PLXNC1: variants seen among roughly 807,000 people sequenced by gnomAD.
PLXNC1 encodes the protein plexin-C1.
PLXNC1 carries 75 observed loss-of-function variants against 178.2 expected under a neutral mutation model. That is an observed-to-expected ratio of 0.42 (90% CI 0.35 to 0.51). PLXNC1 has a LOEUF of 0.51. Ranked by LOEUF, PLXNC1 falls within the 20% of genes least tolerant of loss-of-function variation. The pLI, the probability that PLXNC1 is intolerant of heterozygous loss-of-function variation, is 0.02. For synonymous variants in PLXNC1, 790 were observed against 779.9 expected, an observed-to-expected ratio of 1.01 and a Z score of -0.22; for missense variants, 1,503 against 1,984.4, an observed-to-expected ratio of 0.76 and a Z score of 4.61.
chr12:94,185,215 T>C (rs986538016), intron 3 of PLXNC1, among the ~76,000 whole-genome samples: 6 of 152,176 alleles, frequency 3.9e-5, no homozygotes, highest in Admixed American at 6.5e-5. Context: ...GTCAGCAGTG[T>C]TGGGGACTAT....
At chr12:94,246,052 A>G (rs759554016) in intron 12 of PLXNC1, among the ~76,000 whole-genome samples, 1 of 152,200 alleles carries the variant, frequency 6.6e-6, no homozygotes, top group African/African-American at 2.4e-5. Context: ...TTCTGACCCA[A>G]AAGGCTTCGG....
intron 1 of PLXNC1, among the ~76,000 whole-genome samples, chr12:94,152,121 T>G (rs1960983335): frequency 6.6e-6 from 1 of 152,212 alleles, no homozygotes; most frequent in Non-Finnish European, 1.5e-5. Flanking sequence ...TCAGCCAAGT[T>G]AAATAATATA....
At position 94,305,101 on chromosome 12, in the gene PLXNC1, T is replaced by A. The variant is rs1182101366; in HGVS notation, c.4603-80T>A. On this transcript the variant is annotated intron_variant, in intron 30 of 30. Transcript: ENST00000258526. ...ATCTGTTTCATACAGATTTTACCAC[T>A]CACAGCATCAGGTATGCAAAAAACA... 11 of 794,428 alleles carry A rather than the reference T, an allele frequency of 1.4e-5. No homozygotes were observed. In the Admixed American group the frequency reaches 2.6e-4, roughly 19 times the overall value. The allele number at this position is 794,428 out of a possible 1,614,324, so 49.2% of individuals were successfully genotyped here.
At chr12:94,283,053 C>T (rs1446559224) in intron 23 of PLXNC1, among the ~76,000 whole-genome samples, 1 of 152,182 alleles carries the variant, frequency 6.6e-6, no homozygotes, top group Non-Finnish European at 1.5e-5. Context: ...TTATCTGAAT[C>T]TTTGTTGAAT....
chr12:94,218,977 G>A (rs936820383), intron 5 of PLXNC1, among the ~76,000 whole-genome samples: 2 of 152,096 alleles, frequency 1.3e-5, no homozygotes, highest in African/African-American at 4.8e-5. Flanking sequence ...GATGAAAAAA[G>A]TCATGTGTTT....
chr12:94,277,800 C>T, intron 21 of PLXNC1: 1 of 372,636 alleles, frequency 2.7e-6, no homozygotes, highest in Non-Finnish European at 5.4e-6. Context: ...TCAAGCCTTT[C>T]CCAGCAGCCT....
At chr12:94,217,605 G>T (rs1482022299) in intron 5 of PLXNC1, among the ~76,000 whole-genome samples, 1 of 152,058 alleles carries the variant, frequency 6.6e-6, no homozygotes, top group Non-Finnish European at 1.5e-5. Context: ...CTCCATGTAT[G>T]GTACCTCCAT....
At chr12:94,297,091 G>C in intron 24 of PLXNC1, 98 bp from the exon 25 acceptor site, 1 of 1,162,616 alleles carries the variant, frequency 8.6e-7, no homozygotes, top group South Asian at 1.3e-5. Flanking sequence ...AGTAACTTCA[G>C]TATACAGCAC....
At chr12:94,177,053 ATG>A (rs63244061) in intron 2 of PLXNC1, among the ~76,000 whole-genome samples, 28,027 of 137,126 alleles carry the variant, frequency 0.2, 2,960 homozygotes, top group East Asian at 0.3. Context: ...TTTCATATAT[ATG>A]TGTGTGTGTG....
At chr12:94,271,320 A>G (rs1358234123) in intron 21 of PLXNC1, among the ~76,000 whole-genome samples, 2 of 152,238 alleles carry the variant, frequency 1.3e-5, no homozygotes, top group African/African-American at 4.8e-5. Context: ...TTAGCCAAGA[A>G]TATGGTTGAG....
chr12:94,227,273 G>C (rs1193111100), intron 9 of PLXNC1, 38 bp downstream of exon 9: 1 of 1,214,738 alleles, frequency 8.2e-7, no homozygotes, highest in South Asian at 1.2e-5. Flanking sequence ...GGGAAAACCT[G>C]TCTTTGAATG....
At chr12:94,172,797 A>G (rs915685211) in intron 2 of PLXNC1, among the ~76,000 whole-genome samples, 9 of 152,210 alleles carry the variant, frequency 5.9e-5, no homozygotes, top group African/African-American at 2.2e-4. Context: ...CTTTAAAGAC[A>G]TGCATTTTCC....
chr12:94,193,698 T>C (rs1962808088), intron 4 of PLXNC1, among the ~76,000 whole-genome samples: 1 of 152,014 alleles, frequency 6.6e-6, no homozygotes. Context: ...CAGCGCTGAG[T>C]CTCAGAGTGT....
intron 11 of PLXNC1, among the ~76,000 whole-genome samples, chr12:94,243,625 G>A (rs948404373): frequency 6.6e-6 from 1 of 152,166 alleles, no homozygotes; most frequent in Admixed American, 6.5e-5. Context: ...TACAGCTCCT[G>A]ATCTGATTAT....
chr12:94,278,034 A>T (rs117070367), intron 21 of PLXNC1: 10,794 of 454,680 alleles, frequency 0.024, 181 homozygotes, highest in East Asian at 0.06. Context: ...GTACTTGGGG[A>T]CCTCCTCTTT....
chr12:94,250,928 G>A (rs59147662), intron 14 of PLXNC1, among the ~76,000 whole-genome samples: 28,754 of 152,108 alleles, frequency 0.19, 3,306 homozygotes, highest in South Asian at 0.33. Context: ...TGAGGTGGGA[G>A]GATCACTTGA....
intron 26 of PLXNC1, among the ~76,000 whole-genome samples, chr12:94,298,041 T>G (rs1968103597): frequency 6.6e-6 from 1 of 152,196 alleles, no homozygotes; most frequent in East Asian, 1.9e-4. Context: ...CCCCAGGAAC[T>G]TGATGGGCAT....
chr12:94,182,082 T>C (rs1010058930), intron 3 of PLXNC1, among the ~76,000 whole-genome samples: 1 of 152,118 alleles, frequency 6.6e-6, no homozygotes, highest in Non-Finnish European at 1.5e-5. Context: ...ATAAAAGTAA[T>C]ATATTTTTAT....
At chr12:94,163,645 C>T (rs1186196622) in intron 1 of PLXNC1, among the ~76,000 whole-genome samples, 1 of 152,052 alleles carries the variant, frequency 6.6e-6, no homozygotes, top group Non-Finnish European at 1.5e-5. Flanking sequence ...GAAATACAAG[C>T]TTCACCACCT....
Sources: gnomAD v4.1 joint callset for allele counts (sites outside exome capture counted in the v4.1 genomes callset) on GRCh38, gnomAD v4.1.1 for gene constraint, MANE v1.5 for transcripts, NCBI Gene and HGNC (gene_info 2026-07-23, HGNC 2026-07-21) for gene names.